The following ANKRD30B variants were observed in gnomAD, a reference collection of about 807,000 sequenced individuals.
ANKRD30B encodes the protein ankyrin repeat domain-containing protein 30B.
Under a neutral mutation model 202.2 loss-of-function variants are expected in ANKRD30B, and 144 were observed. That is an observed-to-expected ratio of 0.71 (90% CI 0.62 to 0.82). ANKRD30B has a LOEUF of 0.82. Among genes scored for constraint, ANKRD30B ranks in the 40% least tolerant of loss-of-function variants. ANKRD30B has a pLI of 0.00. For missense variants in ANKRD30B, 1,487 were observed against 1,669.1 expected, an observed-to-expected ratio of 0.89 and a Z score of 1.90; for synonymous variants, 508 against 561.3, an observed-to-expected ratio of 0.91 and a Z score of 1.34.
chr18:14,809,880 T>A (rs1402578177), intron 26 of ANKRD30B, 106 bp from the exon 27 acceptor site: 1 of 1,126,200 alleles, frequency 8.9e-7, no homozygotes, highest in African/African-American at 1.6e-5. Flanking sequence ...GTAATCCCTT[T>A]TCAATCCAAG....
chr18:14,837,654 C>A lies in ANKRD30B; in HGVS notation c.2966C>A (p.Thr989Lys). The stretch of plus-strand genomic sequence containing the variant: ...TCAGAATTAGGAAGAAAAGAAGATA[C>A]AAAATCAACTTCAGATTCTGAGGTA... ...PTSELGRKED[T>K]KSTSDSEIIS... Residue 989 changes from threonine (T) to lysine (K), a missense_variant, in exon 36 of 44, where the codon ACA becomes AAA. Physicochemically the swap from Thr to Lys is moderately conservative, Grantham distance 78. Around this residue, in one of 6 missense-constraint regions of ANKRD30B, gnomAD observed 218 missense variants for 320.1 expected, o/e 0.68. Transcript: ENST00000690538. 1 of 1,540,576 alleles carries A rather than the reference C, an allele frequency of 6.5e-7. No homozygotes were observed. The highest frequency in any genetic ancestry group is 1.2e-5 in the South Asian group (1 of 81,766).
chr18:14,788,439 A>G (rs1399352375), intron 15 of ANKRD30B, among the ~76,000 whole-genome samples: 1 of 152,038 alleles, frequency 6.6e-6, no homozygotes, highest in African/African-American at 2.4e-5. Flanking sequence ...ACATGTGCAC[A>G]ATGTGCAGTT....
chr18:14,781,566 T>C (rs1053075709), intron 11 of ANKRD30B, among the ~76,000 whole-genome samples: 6 of 152,396 alleles, frequency 3.9e-5, no homozygotes, highest in Middle Eastern at 3.4e-3. Context: ...ACTAAATAAT[T>C]CTATAATCAT....
the ANKRD30B span, among the ~76,000 whole-genome samples, chr18:14,891,172 C>T: frequency 6.6e-6 from 1 of 152,058 alleles, no homozygotes; most frequent in East Asian, 1.9e-4. Context: ...TGTGATTGGG[C>T]CTTCAGAAGC....
chr18:14,879,324 A>G, the ANKRD30B span, among the ~76,000 whole-genome samples: 7 of 152,076 alleles, frequency 4.6e-5, no homozygotes, highest in African/African-American at 1.7e-4. Flanking sequence ...GATCCACACC[A>G]CAGCCTCGGA....
chr18:14,862,905 G>C, the ANKRD30B span, among the ~76,000 whole-genome samples: 1 of 152,200 alleles, frequency 6.6e-6, no homozygotes, highest in Non-Finnish European at 1.5e-5. Flanking sequence ...TGCCCTACTG[G>C]GTTTCAGATT....
At chr18:14,912,015 T>C in the ANKRD30B span, among the ~76,000 whole-genome samples, 7 of 152,192 alleles carry the variant, frequency 4.6e-5, no homozygotes, top group Admixed American at 4.6e-4. Context: ...TCTAAGAGTT[T>C]ATTGGTGGAG....
the ANKRD30B span, among the ~76,000 whole-genome samples, chr18:14,907,932 C>G: frequency 6.6e-6 from 1 of 151,974 alleles, no homozygotes; most frequent in African/African-American, 2.4e-5. Flanking sequence ...GAATTTTCCC[C>G]AGAAGGTTTC....
chr18:14,777,024 T>A (rs189031913), intron 9 of ANKRD30B, among the ~76,000 whole-genome samples: 14 of 152,352 alleles, frequency 9.2e-5, no homozygotes, highest in African/African-American at 2.9e-4. Flanking sequence ...TTAATCATAT[T>A]GTGTTCTGGT....
chr18:14,909,271 T>A, the ANKRD30B span, among the ~76,000 whole-genome samples: 2 of 152,150 alleles, frequency 1.3e-5, no homozygotes, highest in Non-Finnish European at 2.9e-5. Context: ...CTCCCCAGTG[T>A]CCTAGGTGGA....
chr18:14,779,864 G>C (rs1967607349), intron 10 of ANKRD30B, 96 bp from the exon 11 acceptor site: 2 of 834,124 alleles, frequency 2.4e-6, no homozygotes, highest in Admixed American at 2.6e-5. Context: ...CCAGAAGAAA[G>C]TCCACAGATT....
At chr18:14,837,000 C>T in intron 34 of ANKRD30B, 1 of 432,784 alleles carries the variant, frequency 2.3e-6, no homozygotes, top group Non-Finnish European at 4.2e-6. Flanking sequence ...TCACATATCT[C>T]TACCATTTCT....
At chr18:14,907,129 T>A in the ANKRD30B span, among the ~76,000 whole-genome samples, 2 of 152,084 alleles carry the variant, frequency 1.3e-5, no homozygotes, top group Non-Finnish European at 2.9e-5. Context: ...ATCAGACTTA[T>A]GGTCTGTGTT....
the ANKRD30B span, chr18:14,883,397 C>A: frequency 0.021 from 1,103 of 51,392 alleles, 3 homozygotes; most frequent in Non-Finnish European, 0.028. Context: ...CTCTCTCTCT[C>A]TCTATATATA....
At chr18:14,906,617 CTCT>C in the ANKRD30B span, among the ~76,000 whole-genome samples, 1 of 151,808 alleles carries the variant, frequency 6.6e-6, no homozygotes, top group Non-Finnish European at 1.5e-5. Flanking sequence ...GTACCACTTT[CTCT>C]TTTTTTTGCA....
At chr18:14,919,383 A>C in the ANKRD30B span, among the ~76,000 whole-genome samples, 1 of 152,206 alleles carries the variant, frequency 6.6e-6, no homozygotes, top group Non-Finnish European at 1.5e-5. Flanking sequence ...ACCAAGAACC[A>C]GTACCTTGGG....
chr18:14,881,514 G>A, the ANKRD30B span, among the ~76,000 whole-genome samples: 48 of 152,222 alleles, frequency 3.2e-4, no homozygotes, highest in South Asian at 9.5e-3. Flanking sequence ...TGGCTTCTGT[G>A]TTCATCAAGG....
Position 14,752,657 on chromosome 18 carries a change from G to A in ANKRD30B, c.313G>A (p.Glu105Lys), listed in dbSNP as rs761682028. 5.6e-6 allele frequency: 9 copies of A among 1,606,924 alleles called. No individual in the cohort carries two copies. Among genetic ancestry groups the A allele is most frequent in the South Asian group, 1.1e-5 (1 of 90,254 alleles). The change falls in exon 2 of 44, where the codon GAA becomes AAA. Residue 105 changes from glutamate to lysine, a missense_variant. Glu to Lys is a moderately conservative substitution (Grantham distance 56). Transcript: ENST00000690538. ...RKCQLNVLDGEGRTPLMKALQ... is the reference protein window; with the variant it reads ...RKCQLNVLDGKGRTPLMKALQ... ...GTGCCAGCTTAATGTCCTTGATGGC[G>A]AAGGGAGGACACCTCTGATGAAGGT...
chr18:14,799,079 A>G (rs1419996718), intron 20 of ANKRD30B, 22 bp from the exon 21 acceptor site: 1 of 1,556,262 alleles, frequency 6.4e-7, no homozygotes, highest in South Asian at 1.1e-5. Flanking sequence ...ATAATCAATT[A>G]TATATGTCCC....
Sources: gnomAD v4.1 joint callset for allele counts (sites outside exome capture counted in the v4.1 genomes callset) on GRCh38, gnomAD v4.1.1 for gene constraint, gnomAD v4.1.1 regional missense constraint, MANE v1.5 for transcripts, NCBI Gene and HGNC (gene_info 2026-07-23, HGNC 2026-07-21) for gene names.